FBXO17: variants seen among roughly 807,000 people sequenced by gnomAD.
FBXO17 encodes F-box only protein 17.
FBXO17 carries 43 observed loss-of-function variants against 34.1 expected under a neutral mutation model. The ratio of observed to expected loss-of-function variants is 1.26; its 90% confidence interval spans 0.99 to 1.62. The LOEUF (loss-of-function observed/expected upper bound fraction) is 1.62, where lower values mean the gene tolerates loss of function less well. FBXO17 is among the 40% of genes most tolerant of loss of function. The probability of loss-of-function intolerance (pLI) is 0.00; values close to 1 mark genes in which losing one functional copy is unlikely to be tolerated. For missense variants in FBXO17, 424 were observed against 386.7 expected (o/e 1.10, Z -0.81); for synonymous variants, 169 against 166.0 (o/e 1.02, Z -0.14).
intron 4 of FBXO17, 163 bp from the exon 5 acceptor site, chr19:38,945,267 G>C (rs1417924014): frequency 1.1e-6 from 1 of 934,352 alleles, no homozygotes; most frequent in Admixed American, 2.8e-5. Context: ...GAGCCTTGGT[G>C]GTTCTGGGGT....
chr19:38,965,245 G>T lies in FBXO17; in HGVS notation c.-18+10341C>A, dbSNP rs1316901417. Among the ~76,000 whole-genome samples, 9 of 152,016 alleles carry T rather than the reference G, an allele frequency of 5.9e-5. No individual in the cohort carries two copies. The East Asian group carries it at 1.7e-3, about 29-fold the overall frequency. ...ACCCTAACTGGTACACTCAGGACTG[G>T]CTTCATGGGCATGCAACCTGTGCGT... On this transcript the variant is annotated intron_variant, in intron 1 of 5. Coordinates refer to ENST00000292852, the MANE Select transcript of FBXO17 (RefSeq NM_024907.7).
chr19:38,960,880 C>T (rs551181555), intron 1 of FBXO17, among the ~76,000 whole-genome samples: 4 of 151,522 alleles, frequency 2.6e-5, no homozygotes, highest in Non-Finnish European at 4.4e-5. Context: ...GATCTCCGCT[C>T]ACTGCAACCT....
intron 1 of FBXO17, among the ~76,000 whole-genome samples, chr19:38,958,340 G>A (rs1480587881): frequency 2.7e-5 from 4 of 147,540 alleles, no homozygotes; most frequent in African/African-American, 9.9e-5. Context: ...CCCAGGAGGT[G>A]GAGATTGTGG....
In FBXO17 at chr19:38,946,587, G is replaced by C; in HGVS notation, c.462-20C>G. The C allele has an allele frequency of 1.2e-6, 2 of 1,611,464 alleles. No homozygotes were observed. The highest frequency in any genetic ancestry group is 1.7e-6 in the Non-Finnish European group (2 of 1,179,494). ...CACCATCTGGGAAGGAGAGATGGCAGGGGGCAGGGCAAACAGTCCTGGCAT... is the reference window on the plus strand; with the variant it reads ...CACCATCTGGGAAGGAGAGATGGCACGGGGCAGGGCAAACAGTCCTGGCAT... On this transcript the variant is annotated intron_variant, in intron 3 of 5. Transcript: ENST00000292852.
chr19:38,961,316 C>T (rs1021518385), intron 1 of FBXO17, among the ~76,000 whole-genome samples: 82 of 140,436 alleles, frequency 5.8e-4, no homozygotes, highest in African/African-American at 2.2e-3. Context: ...TACTCTGTCA[C>T]CCAGGCTGGA....
intron 1 of FBXO17, among the ~76,000 whole-genome samples, chr19:38,969,372 G>A (rs1180286521): frequency 6.7e-6 from 1 of 149,644 alleles, no homozygotes; most frequent in Non-Finnish European, 1.5e-5. Flanking sequence ...GAGCCCAGAA[G>A]TTGAGGCTAC....
chr19:38,944,778 G>A (rs1974947588), intron 5 of FBXO17, 191 bp downstream of exon 5: 2 of 741,754 alleles, frequency 2.7e-6, no homozygotes, highest in Admixed American at 6.0e-5. Context: ...ACATTAAGGG[G>A]TTTTGCTAAT....
intron 5 of FBXO17, among the ~76,000 whole-genome samples, chr19:38,943,746 G>A (rs1052537017): frequency 2.6e-5 from 4 of 152,004 alleles, no homozygotes; most frequent in Non-Finnish European, 4.4e-5. Context: ...GCCCATCACC[G>A]TGCCTGGCTA....
chr19:38,971,859 G>A (rs1430122983), intron 1 of FBXO17, among the ~76,000 whole-genome samples: 1 of 151,974 alleles, frequency 6.6e-6, no homozygotes, highest in African/African-American at 2.4e-5. Flanking sequence ...AGTCATAGGT[G>A]AACAGGCTAT....
Position 38,950,232 on chromosome 19 carries a change from G to T in FBXO17, c.88C>A (p.Leu30Met). ...ALPPELLVQV[L>M]SHVPPRSLVT... is the part of the protein sequence containing the mutation. ...AAGGAGCGTGGCGGCACGTGGCTCA[G>T]CACCTGCACCAGCAGCTCCGGGGGC... The change falls in exon 2 of 6, where the codon CTG (leucine) becomes ATG (methionine). Residue 30 changes from leucine to methionine, a missense_variant. Coordinates refer to ENST00000292852, the MANE Select transcript of FBXO17 (RefSeq NM_024907.7). The T allele has an allele frequency of 1.3e-6, 2 of 1,535,080 alleles. No individual in the cohort carries two copies. The highest frequency in any genetic ancestry group is 1.2e-5 in the South Asian group (1 of 83,124).
intron 1 of FBXO17, among the ~76,000 whole-genome samples, chr19:38,965,416 C>T (rs1187350905): frequency 6.6e-6 from 1 of 152,092 alleles, no homozygotes; most frequent in Non-Finnish European, 1.5e-5. Flanking sequence ...CAACCTCCGC[C>T]TCCTGGGTTC....
At chr19:38,968,590 T>C (rs1320074353) in intron 1 of FBXO17, among the ~76,000 whole-genome samples, 1 of 152,124 alleles carries the variant, frequency 6.6e-6, no homozygotes, top group Admixed American at 6.6e-5. Flanking sequence ...ATACACCTTC[T>C]ACCTCCATGC....
intron 1 of FBXO17, among the ~76,000 whole-genome samples, chr19:38,953,694 G>C (rs1192043305): frequency 6.6e-6 from 1 of 151,936 alleles, no homozygotes; most frequent in Non-Finnish European, 1.5e-5. Context: ...AAAAAAGAGA[G>C]AGGGTTTGTT....
chr19:38,946,663 C>T, intron 3 of FBXO17, 96 bp from the exon 4 acceptor site: 1 of 1,526,138 alleles, frequency 6.6e-7, no homozygotes, highest in Non-Finnish European at 8.9e-7. Context: ...CTTGATAACC[C>T]TCTCTAAAGC....
At chr19:38,951,650 TCTA>T (rs1345122454) in intron 1 of FBXO17, among the ~76,000 whole-genome samples, 4 of 146,300 alleles carry the variant, frequency 2.7e-5, no homozygotes, top group Admixed American at 7.0e-5. Context: ...AGTTTGGCTT[TCTA>T]TTTTTTTTTT....
intron 1 of FBXO17, among the ~76,000 whole-genome samples, chr19:38,950,970 T>G (rs2144818504): frequency 6.6e-6 from 1 of 151,646 alleles, no homozygotes; most frequent in Middle Eastern, 3.5e-3. Flanking sequence ...TTTTGTATTT[T>G]TAGTAGAGAC....
chr19:38,972,783 G>T lies in FBXO17; in HGVS notation c.-18+2803C>A, dbSNP rs137979780. Among the ~76,000 whole-genome samples the T allele has an allele frequency of 1.4e-3, 208 of 152,144 alleles. 1 individual carries two copies. Among genetic ancestry groups the T allele is most frequent in the East Asian group, 2.7e-3 (14 of 5,150 alleles). ...GCACTCTCTCTTTTCTTTTTGGACA[G>T]AGTTTTGCTCTTGTCGCCCAGGCTG... On this transcript the variant is annotated intron_variant, in intron 1 of 5. Coordinates refer to ENST00000292852, the MANE Select transcript of FBXO17 (RefSeq NM_024907.7).
intron 1 of FBXO17, among the ~76,000 whole-genome samples, chr19:38,955,228 G>T (rs527820527): frequency 6.6e-6 from 1 of 151,976 alleles, no homozygotes; most frequent in African/African-American, 2.4e-5. Context: ...ACTGCAACTG[G>T]CCTTTTATTT....
chr19:38,964,358 C>T (rs890318793), intron 1 of FBXO17, among the ~76,000 whole-genome samples: 3 of 151,974 alleles, frequency 2.0e-5, no homozygotes, highest in Non-Finnish European at 2.9e-5. Context: ...TTGTTTGAGA[C>T]GGAGTCTCAC....
Sources: allele counts gnomAD v4.1 joint callset (sites outside exome capture counted in the v4.1 genomes callset), GRCh38; gene constraint gnomAD v4.1.1; transcripts MANE v1.5; gene names NCBI Gene and HGNC (gene_info 2026-07-23, HGNC 2026-07-21).